Variants in PLCG2 observed in about 807,000 individuals in gnomAD.
PLCG2 encodes the protein 1-phosphatidylinositol 4,5-bisphosphate phosphodiesterase gamma-2.
In PLCG2, 69 loss-of-function variants were observed where a neutral mutation model predicts 175.6. That is an observed-to-expected ratio of 0.39 (90% CI 0.32 to 0.48). PLCG2 has a LOEUF of 0.48. PLCG2 is among the 20% of genes least tolerant of loss of function. The pLI is 0.91. For synonymous variants in PLCG2, 827 were observed against 624.0 expected, an observed-to-expected ratio of 1.33 and a Z score of -4.85; for missense variants, 1,798 against 1,650.9, an observed-to-expected ratio of 1.09 and a Z score of -1.54.
chr16:81,829,772 C>G (rs1905188215), intron 2 of PLCG2, among the ~76,000 whole-genome samples: 1 of 152,214 alleles, frequency 6.6e-6, no homozygotes, highest in Non-Finnish European at 1.5e-5. Flanking sequence ...TTTGTCCACT[C>G]TCTCCTGCTG....
At chr16:81,842,498 G>T (rs74029249) in intron 2 of PLCG2, among the ~76,000 whole-genome samples, 5 of 152,134 alleles carry the variant, frequency 3.3e-5, no homozygotes, top group African/African-American at 1.2e-4. Context: ...ACTGAAAGTC[G>T]GAAAAGAGGT....
At chr16:81,747,826 G>T (rs1909733618) in intron 1 of PLCG2, among the ~76,000 whole-genome samples, 1 of 152,150 alleles carries the variant, frequency 6.6e-6, no homozygotes, top group Non-Finnish European at 1.5e-5. Flanking sequence ...AATATGGACT[G>T]GCGGACTGTT....
chr16:81,763,729 G>A (rs2143092123), intron 2 of PLCG2, among the ~76,000 whole-genome samples: 1 of 152,330 alleles, frequency 6.6e-6, no homozygotes, highest in African/African-American at 2.4e-5. Flanking sequence ...CACTTTGGGA[G>A]GCTGAGGTGG....
chr16:81,854,168 G>A (rs1249253734), intron 2 of PLCG2, among the ~76,000 whole-genome samples: 1 of 152,142 alleles, frequency 6.6e-6, no homozygotes, highest in Non-Finnish European at 1.5e-5. Flanking sequence ...AATTGTCCTA[G>A]TTTAAAATGT....
At chr16:81,948,097 T>C (rs1597151890) in intron 31 of PLCG2, among the ~76,000 whole-genome samples, 1 of 136,654 alleles carries the variant, frequency 7.3e-6, no homozygotes, top group Non-Finnish European at 1.7e-5. Context: ...ATAAATAATA[T>C]AGGTCTTCAT....
At chr16:81,931,316 C>A in intron 24 of PLCG2, 181 bp from the exon 25 acceptor site, 1 of 514,824 alleles carries the variant, frequency 1.9e-6, no homozygotes, top group Non-Finnish European at 3.4e-6. Context: ...TACTGCATCC[C>A]TTGAGTAGTC....
At chr16:81,836,218 C>G (rs189307895) in intron 2 of PLCG2, among the ~76,000 whole-genome samples, 6 of 152,288 alleles carry the variant, frequency 3.9e-5, no homozygotes, top group African/African-American at 1.2e-4. Context: ...CTGCATTTCT[C>G]AGAGGGGGAA....
chr16:81,951,174 C>T (rs1712419707), intron 31 of PLCG2, among the ~76,000 whole-genome samples: 1 of 151,996 alleles, frequency 6.6e-6, no homozygotes, highest in South Asian at 2.1e-4. Flanking sequence ...GGAGACAGGG[C>T]CCTGCTTTGC....
intron 5 of PLCG2, among the ~76,000 whole-genome samples, chr16:81,861,132 A>G (rs1906960607): frequency 6.6e-6 from 1 of 152,186 alleles, no homozygotes; most frequent in Admixed American, 6.5e-5. Flanking sequence ...TGAGCTCTTC[A>G]GTCCTTGTCT....
At chr16:81,814,699 GAA>G (rs75878012) in intron 2 of PLCG2, among the ~76,000 whole-genome samples, 1 of 147,356 alleles carries the variant, frequency 6.8e-6, no homozygotes, top group African/African-American at 2.5e-5. Flanking sequence ...TGTCTCAAAA[GAA>G]AAAAAAAAGA....
chr16:81,927,227 C>A, intron 23 of PLCG2, 49 bp downstream of exon 23: 1 of 1,309,248 alleles, frequency 7.6e-7, no homozygotes, highest in East Asian at 2.3e-5. Context: ...ATCTGCAGGT[C>A]CAGTTTTTCA....
chr16:81,859,198 G>T (rs1906837369), intron 5 of PLCG2, 35 bp downstream of exon 5: 8 of 1,407,278 alleles, frequency 5.7e-6, no homozygotes, highest in Admixed American at 1.7e-5. Flanking sequence ...GATCACTTTG[G>T]ATTTCGATCC....
At chr16:81,930,747 C>A (rs375474557) in intron 24 of PLCG2, among the ~76,000 whole-genome samples, 1,601 of 125,526 alleles carry the variant, frequency 0.013, no homozygotes, top group South Asian at 0.02. Context: ...CACCCTGTCT[C>A]AAAAAAAAAA....
intron 2 of PLCG2, among the ~76,000 whole-genome samples, chr16:81,831,672 C>T (rs906764371): frequency 5.9e-5 from 9 of 152,160 alleles, no homozygotes; most frequent in Non-Finnish European, 1.0e-4. Flanking sequence ...CCGAGTGGGA[C>T]TCAGATCCTT....
rs991823554 is a variant in PLCG2, at chr16:81,961,225, G to C, written c.*3227G>C. ...TCATAAAGCTTCCGTTCCCATTGATGTATCTGTGTGAACAAGGATCAACAT... is the reference window on the plus strand; with the variant it reads ...TCATAAAGCTTCCGTTCCCATTGATCTATCTGTGTGAACAAGGATCAACAT... On this transcript the variant is annotated 3_prime_UTR_variant, in exon 33 of 33. Transcript: ENST00000564138. The C allele has an allele frequency of 4.4e-6, 1 of 225,894 alleles. No homozygotes were observed. Among genetic ancestry groups the C allele is most frequent in the African/African-American group, 2.2e-5 (1 of 44,934 alleles). The allele number at this position is 225,894 out of a possible 1,614,324, so 14.0% of individuals were successfully genotyped here. A position where few individuals can be genotyped will look rare whatever the true frequency, so the allele number is the denominator to read the frequency against.
At chr16:81,779,830 A>G (rs1910649874) in intron 1 of PLCG2, among the ~76,000 whole-genome samples, 1 of 152,078 alleles carries the variant, frequency 6.6e-6, no homozygotes, top group Non-Finnish European at 1.5e-5. Flanking sequence ...TCGGAGCCAC[A>G]CTTCCCTGTC....
chr16:81,906,582 C>T (rs942922731), intron 15 of PLCG2, among the ~76,000 whole-genome samples: 2 of 152,198 alleles, frequency 1.3e-5, no homozygotes, highest in African/African-American at 2.4e-5. Context: ...CACCACCATG[C>T]CCTGCTAATT....
chr16:81,845,413 C>G (rs1017710063), intron 2 of PLCG2, among the ~76,000 whole-genome samples: 4 of 152,322 alleles, frequency 2.6e-5, no homozygotes, highest in African/African-American at 9.6e-5. Context: ...CACAAGAGCA[C>G]TGTGTGGTAA....
At chr16:81,945,259 CAG>C (rs1911106110) in intron 30 of PLCG2, among the ~76,000 whole-genome samples, 1 of 152,178 alleles carries the variant, frequency 6.6e-6, no homozygotes. Flanking sequence ...ACAGAGGAAA[CAG>C]TGGGAGTGTC....
Sources: allele counts gnomAD v4.1 joint callset (sites outside exome capture counted in the v4.1 genomes callset), GRCh38; gene constraint gnomAD v4.1.1; transcripts MANE v1.5; gene names NCBI Gene and HGNC (gene_info 2026-07-23, HGNC 2026-07-21).